Variants in TSHZ2 observed in about 807,000 individuals in gnomAD.
TSHZ2 encodes teashirt zinc finger homeobox 2.
In TSHZ2, 21 loss-of-function variants were observed where a neutral mutation model predicts 74.4. That is an observed-to-expected ratio of 0.28 (90% CI 0.20 to 0.41). The LOEUF (loss-of-function observed/expected upper bound fraction) is 0.41, where lower values mean the gene tolerates loss of function less well. Ranked by LOEUF, TSHZ2 falls within the 10% of genes least tolerant of loss-of-function variation. The pLI is 1.00. For missense variants in TSHZ2, 1,244 were observed against 1,293.5 expected, an observed-to-expected ratio of 0.96 and a Z score of 0.59; for synonymous variants, 540 against 515.3, an observed-to-expected ratio of 1.05 and a Z score of -0.65.
intron 1 of TSHZ2, among the ~76,000 whole-genome samples, chr20:53,171,105 C>T (rs2123484790): frequency 6.6e-6 from 1 of 152,290 alleles, no homozygotes; most frequent in Non-Finnish European, 1.5e-5. Flanking sequence ...GAACATTCAG[C>T]TTTGCTTTTA....
intron 2 of TSHZ2, among the ~76,000 whole-genome samples, chr20:53,406,946 CCT>C (rs1326418940): frequency 1.3e-5 from 2 of 152,114 alleles, no homozygotes; most frequent in Non-Finnish European, 2.9e-5. Flanking sequence ...CTACATTTTG[CCT>C]CTGTTTTCCT....
At chr20:53,299,951 C>T (rs1991450088) in intron 2 of TSHZ2, among the ~76,000 whole-genome samples, 1 of 152,188 alleles carries the variant, frequency 6.6e-6, no homozygotes, top group Non-Finnish European at 1.5e-5. Flanking sequence ...AACTTCAGCA[C>T]GTTTTTCCTC....
In TSHZ2 at chr20:53,428,856, CTG is replaced by C. The variant is rs1286332578; in HGVS notation, c.*9-58286_*9-58285del. Among the ~76,000 whole-genome samples the C allele has an allele frequency of 9.2e-5, 14 of 152,238 alleles. No individual in the cohort carries two copies. The East Asian group carries it at 2.5e-3, about 27-fold the overall frequency. ...GGCATCGCAGGTCAGGGGAGGGAAA[CTG>C]TTGAGAATCTCTGCTCTATCAGGAA... On this transcript the variant is annotated intron_variant, in intron 2 of 2. Transcript: ENST00000371497.
At chr20:53,082,741 G>C (rs1433711882) in intron 1 of TSHZ2, among the ~76,000 whole-genome samples, 1 of 152,208 alleles carries the variant, frequency 6.6e-6, no homozygotes, top group Non-Finnish European at 1.5e-5. Context: ...TATCTGGCAA[G>C]AGTTGGTTTT....
chr20:53,461,457 T>G (rs1985369533), intron 2 of TSHZ2: 1 of 153,536 alleles, frequency 6.5e-6, no homozygotes, highest in South Asian at 2.1e-4. Context: ...CCTAGTGAGA[T>G]GAACCCAGTA....
intron 2 of TSHZ2, among the ~76,000 whole-genome samples, chr20:53,316,955 C>T (rs1979049948): frequency 1.3e-5 from 2 of 152,176 alleles, no homozygotes. Context: ...TGCCTACAAT[C>T]CCACCATTAA....
At chr20:53,280,754 G>A (rs1543081) in intron 2 of TSHZ2, among the ~76,000 whole-genome samples, 22,004 of 151,744 alleles carry the variant, frequency 0.15, 1,907 homozygotes, top group African/African-American at 0.23. Flanking sequence ...GTACAGTGGC[G>A]CGATCTCAGC....
chr20:53,196,946 G>A (rs537868890), intron 1 of TSHZ2, among the ~76,000 whole-genome samples: 1 of 152,274 alleles, frequency 6.6e-6, no homozygotes, highest in African/African-American at 2.4e-5. Flanking sequence ...ATTTCCCCTG[G>A]GACTTTTCTT....
intron 1 of TSHZ2, among the ~76,000 whole-genome samples, chr20:52,998,245 T>G (rs536577251): frequency 7.2e-5 from 11 of 152,302 alleles, no homozygotes; most frequent in Admixed American, 6.5e-4. Flanking sequence ...CTTGGCTCAC[T>G]GCAGCCTCTG....
intron 1 of TSHZ2, among the ~76,000 whole-genome samples, chr20:53,176,426 G>A (rs962693553): frequency 1.6e-4 from 24 of 152,106 alleles, no homozygotes; most frequent in African/African-American, 4.1e-4. Context: ...GGGAGCCAGC[G>A]GGTAGGTTTC....
At chr20:52,993,373 A>T (rs1982063162) in intron 1 of TSHZ2, among the ~76,000 whole-genome samples, 1 of 152,214 alleles carries the variant, frequency 6.6e-6, no homozygotes, top group Non-Finnish European at 1.5e-5. Context: ...TACTCTTAGC[A>T]GAACATTTAA....
chr20:53,346,873 G>T (rs1980460762), intron 2 of TSHZ2, among the ~76,000 whole-genome samples: 2 of 152,226 alleles, frequency 1.3e-5, no homozygotes, highest in Non-Finnish European at 2.9e-5. Flanking sequence ...GATACACAGA[G>T]TCTCAAAGCT....
intron 1 of TSHZ2, among the ~76,000 whole-genome samples, chr20:53,060,382 A>G (rs973915532): frequency 2.0e-5 from 3 of 152,212 alleles, no homozygotes; most frequent in Admixed American, 6.5e-5. Context: ...ACACTTCACT[A>G]CTAATACCTA....
At chr20:53,334,914 C>T (rs918685875) in intron 2 of TSHZ2, among the ~76,000 whole-genome samples, 1 of 152,108 alleles carries the variant, frequency 6.6e-6, no homozygotes, top group African/African-American at 2.4e-5. Context: ...GAACTCCTGA[C>T]CTTATGATCC....
intron 2 of TSHZ2, among the ~76,000 whole-genome samples, chr20:53,301,266 G>C (rs1991472526): frequency 6.6e-6 from 1 of 152,158 alleles, no homozygotes; most frequent in African/African-American, 2.4e-5. Flanking sequence ...CCCCCAGAGT[G>C]ATTTCTAAAA....
intron 1 of TSHZ2, among the ~76,000 whole-genome samples, chr20:53,113,039 A>G (rs976397108): frequency 2.0e-5 from 3 of 152,226 alleles, no homozygotes; most frequent in Non-Finnish European, 4.4e-5. Flanking sequence ...GCAAAGTTTA[A>G]GAATATCAGC....
intron 2 of TSHZ2, among the ~76,000 whole-genome samples, chr20:53,482,559 A>G (rs955377752): frequency 1.3e-5 from 2 of 152,236 alleles, no homozygotes; most frequent in African/African-American, 4.8e-5. Flanking sequence ...GCCTGTATCA[A>G]AACATCTCAT....
intron 2 of TSHZ2, among the ~76,000 whole-genome samples, chr20:53,435,751 G>T (rs564409164): frequency 1.3e-5 from 2 of 152,336 alleles, no homozygotes; most frequent in East Asian, 3.9e-4. Context: ...CTGACCATGT[G>T]ATCTGCCCAC....
At chr20:53,259,210 G>T (rs967020965) in intron 2 of TSHZ2, among the ~76,000 whole-genome samples, 10 of 152,204 alleles carry the variant, frequency 6.6e-5, no homozygotes, top group African/African-American at 2.2e-4. Context: ...TGTGCAAAGT[G>T]ACATGATATT....
Sources: allele counts gnomAD v4.1 joint callset (sites outside exome capture counted in the v4.1 genomes callset), GRCh38; gene constraint gnomAD v4.1.1; transcripts MANE v1.5; gene names NCBI Gene and HGNC (gene_info 2026-07-23, HGNC 2026-07-21).